Variants in TENM2 observed in about 807,000 individuals in gnomAD.
TENM2 encodes the protein teneurin transmembrane protein 2.
In TENM2, 52 loss-of-function variants were observed where a neutral mutation model predicts 245.2. The observed-to-expected ratio is 0.21, with a 90% CI of 0.17 to 0.27. The LOEUF is 0.27. Among genes scored for constraint, TENM2 ranks in the 10% least tolerant of loss-of-function variants. The pLI, the probability that TENM2 is intolerant of heterozygous loss-of-function variation, is 1.00. For synonymous variants in TENM2, 1,363 were observed against 1,438.9 expected (o/e 0.95, Z 1.19); for missense variants, 3,046 against 3,666.8 (o/e 0.83, Z 4.37).
chr5:166,991,351 T>C, the TENM2 span, among the ~76,000 whole-genome samples: 782 of 152,008 alleles, frequency 5.1e-3, 7 homozygotes, highest in African/African-American at 0.018. Flanking sequence ...TTGATTTAAA[T>C]TGGATATTTG....
At chr5:167,842,723 C>T (rs1344799944) in intron 2 of TENM2, among the ~76,000 whole-genome samples, 34 of 151,680 alleles carry the variant, frequency 2.2e-4, no homozygotes, top group Non-Finnish European at 5.9e-5. Context: ...CATTATACCA[C>T]TCAAGGAGCT....
At chr5:167,383,998 T>A in intron 2 of TENM2, among the ~76,000 whole-genome samples, 1 of 152,204 alleles carries the variant, frequency 6.6e-6, no homozygotes, top group Non-Finnish European at 1.5e-5. Flanking sequence ...CACTCACTCC[T>A]CAAAATATTT....
chr5:168,120,120 G>T (rs1467765849), intron 10 of TENM2, among the ~76,000 whole-genome samples: 1 of 152,136 alleles, frequency 6.6e-6, no homozygotes, highest in Non-Finnish European at 1.5e-5. Flanking sequence ...TAGAACTATG[G>T]CTACCAAAAG....
intron 5 of TENM2, among the ~76,000 whole-genome samples, chr5:168,021,145 C>A (rs1212776401): frequency 6.6e-6 from 1 of 152,174 alleles, no homozygotes; most frequent in African/African-American, 2.4e-5. Context: ...TGTGCATGAC[C>A]TTGACCAAAG....
chr5:167,962,323 G>A (rs949406756), intron 4 of TENM2, among the ~76,000 whole-genome samples: 2 of 152,046 alleles, frequency 1.3e-5, no homozygotes, highest in Non-Finnish European at 1.5e-5. Flanking sequence ...CAACATCTGA[G>A]TATTCTTTGA....
the TENM2 span, among the ~76,000 whole-genome samples, chr5:167,261,079 C>A: frequency 1.6e-4 from 24 of 152,172 alleles, no homozygotes; most frequent in Non-Finnish European, 3.4e-4. Context: ...ATCAGCATTA[C>A]TTGGAAATTT....
intron 12 of TENM2, among the ~76,000 whole-genome samples, chr5:168,143,880 T>A (rs1009167496): frequency 1.4e-5 from 2 of 147,460 alleles, no homozygotes; most frequent in African/African-American, 5.0e-5. Flanking sequence ...ACAGAGTTTC[T>A]CTCTTATTTC....
intron 7 of TENM2, among the ~76,000 whole-genome samples, chr5:168,070,269 C>A (rs1022210387): frequency 6.6e-6 from 1 of 152,130 alleles, no homozygotes; most frequent in Non-Finnish European, 1.5e-5. Flanking sequence ...GCAAATATAA[C>A]CTGAATTTCC....
intron 4 of TENM2, among the ~76,000 whole-genome samples, chr5:167,980,058 A>G (rs1023596524): frequency 6.6e-6 from 1 of 152,120 alleles, no homozygotes; most frequent in Non-Finnish European, 1.5e-5. Context: ...AAATTGTTGG[A>G]ACACCAAACC....
the TENM2 span, among the ~76,000 whole-genome samples, chr5:167,004,219 A>C: frequency 6.6e-6 from 1 of 152,246 alleles, no homozygotes; most frequent in Non-Finnish European, 1.5e-5. Flanking sequence ...TATTCAGGAA[A>C]GCATTTGATT....
the TENM2 span, among the ~76,000 whole-genome samples, chr5:167,226,676 T>C: frequency 6.6e-6 from 1 of 152,084 alleles, no homozygotes; most frequent in Non-Finnish European, 1.5e-5. Flanking sequence ...TAAAATGTTC[T>C]ATAAATGTCT....
intron 5 of TENM2, among the ~76,000 whole-genome samples, chr5:168,021,962 C>G (rs1786188426): frequency 6.6e-6 from 1 of 152,096 alleles, no homozygotes; most frequent in Non-Finnish European, 1.5e-5. Flanking sequence ...CTAAACAATC[C>G]TACATCACAA....
At chr5:167,516,407 T>G (rs959980718) in intron 2 of TENM2, among the ~76,000 whole-genome samples, 14 of 152,290 alleles carry the variant, frequency 9.2e-5, no homozygotes, top group Admixed American at 2.0e-4. Flanking sequence ...AAGAAATTAA[T>G]AATCATCCTT....
At chr5:167,678,851 A>C (rs763194248) in intron 2 of TENM2, among the ~76,000 whole-genome samples, 2 of 152,126 alleles carry the variant, frequency 1.3e-5, no homozygotes, top group Non-Finnish European at 2.9e-5. Flanking sequence ...ATTTTCCCTC[A>C]AAGAATGTCA....
the TENM2 span, among the ~76,000 whole-genome samples, chr5:167,043,667 A>G: frequency 4.6e-5 from 7 of 152,182 alleles, no homozygotes; most frequent in East Asian, 1.9e-4. Context: ...CAGTGGGAAG[A>G]CAGTGAAGGG....
chr5:167,410,118 G>A (rs1179864774), intron 2 of TENM2, among the ~76,000 whole-genome samples: 3 of 151,836 alleles, frequency 2.0e-5, no homozygotes, highest in African/African-American at 7.3e-5. Context: ...ACAATTTTGT[G>A]GCCAGCATGA....
At chr5:168,207,168 A>C (rs191495286) in intron 19 of TENM2, among the ~76,000 whole-genome samples, 1 of 152,316 alleles carries the variant, frequency 6.6e-6, no homozygotes, top group East Asian at 1.9e-4. Flanking sequence ...TTTAGGGCCT[A>C]AGCATGTGAA....
intron 2 of TENM2, among the ~76,000 whole-genome samples, chr5:167,407,292 G>A (rs1381044524): frequency 2.6e-5 from 4 of 152,068 alleles, no homozygotes; most frequent in Non-Finnish European, 5.9e-5. Context: ...GCTGGTTATA[G>A]ATACCTGTAT....
chr5:168,186,828 A>G (rs1760486692), intron 13 of TENM2: 1 of 152,220 alleles, frequency 6.6e-6, no homozygotes, highest in Non-Finnish European at 1.5e-5. Flanking sequence ...TGTTTGCGAG[A>G]TAACTGCAAG....
Sources: allele counts gnomAD v4.1 joint callset (sites outside exome capture counted in the v4.1 genomes callset), GRCh38; gene constraint gnomAD v4.1.1; transcripts MANE v1.5; gene names NCBI Gene and HGNC (gene_info 2026-07-23, HGNC 2026-07-21).